NEK9: variants seen among roughly 807,000 people sequenced by gnomAD.
NEK9 encodes the protein serine/threonine-protein kinase Nek9.
Under a neutral mutation model 123.4 loss-of-function variants are expected in NEK9, and 75 were observed. The observed-to-expected ratio is 0.61, with a 90% CI of 0.50 to 0.74. The LOEUF (loss-of-function observed/expected upper bound fraction) is 0.74. Among genes scored for constraint, NEK9 ranks in the 30% least tolerant of loss-of-function variants. The probability of loss-of-function intolerance (pLI) is 0.00; values close to 1 mark genes in which losing one functional copy is unlikely to be tolerated. For synonymous variants in NEK9, 438 were observed against 458.7 expected (o/e 0.95, Z 0.58); for missense variants, 952 against 1,214.4 (o/e 0.78, Z 3.21).
chr14:75,086,276 G>T (rs190587356), intron 21 of NEK9, among the ~76,000 whole-genome samples: 1 of 151,550 alleles, frequency 6.6e-6, no homozygotes, highest in Non-Finnish European at 1.5e-5. Context: ...TAGATGAAAA[G>T]AAATGAGACA....
At chr14:75,102,196 T>C (rs139502901) in intron 14 of NEK9, among the ~76,000 whole-genome samples, 1 of 152,342 alleles carries the variant, frequency 6.6e-6, no homozygotes, top group East Asian at 1.9e-4. Context: ...TATAGGGTAG[T>C]GTTTCTCAAC....
At chr14:75,104,786 G>A (rs961405593) in intron 13 of NEK9, among the ~76,000 whole-genome samples, 2 of 152,148 alleles carry the variant, frequency 1.3e-5, no homozygotes, top group African/African-American at 4.8e-5. Context: ...CTCGGTCAAG[G>A]CTACTGTTGT....
rs1037178700 is a variant in NEK9 at position 75,103,829 on chromosome 14, T to C, written c.1731+13A>G. 1.2e-6 allele frequency: 2 copies of C among 1,602,272 alleles called. No homozygotes were observed. The highest frequency in any genetic ancestry group is 8.5e-7 in the Non-Finnish European group (1 of 1,174,622). On this transcript the variant is annotated intron_variant, in intron 14 of 21. Transcript: ENST00000238616. ...TCTGATGATGTGGTTAGAACACCAA[T>C]CAGGACACTCACTTCATGGTTGATA...
chr14:75,122,578 C>G (rs1895372922), intron 2 of NEK9, among the ~76,000 whole-genome samples: 2 of 152,018 alleles, frequency 1.3e-5, no homozygotes, highest in Non-Finnish European at 2.9e-5. Context: ...GATCTCCACT[C>G]ACTGCAACCT....
In NEK9 at chr14:75,117,227, G is replaced by A. The variant is rs1297784691; in HGVS notation, c.730C>T (p.Leu244=). ...IWAVGCVIFE[L]LTLKRTFDAT... ...TCAAACGTCCTCTTTAAGGTAAGCA[G>A]TTCAAAAATGACGCAGCCAACTGCC... The change falls in exon 6 of 22, where the codon CTG becomes TTG. Residue 244 remains leucine (L), a synonymous_variant. Transcript: ENST00000238616. The A allele has an allele frequency of 6.2e-7, 1 of 1,613,816 alleles. No individual in the cohort carries two copies.
In NEK9 at chr14:75,105,994, G is replaced by A. The variant is rs757174644; in HGVS notation, c.1531C>T (p.Arg511Ter). Residue 511 changes from arginine (R) to a stop codon, truncating the protein, a stop_gained and splice_region_variant, in exon 13 of 22, where the codon CGA becomes TGA. Coordinates refer to ENST00000238616, the MANE Select transcript of NEK9 (RefSeq NM_033116.6). LOFTEE classifies it high-confidence loss of function. ...VYSWGCGEYG[R>*]LGLDSEEDYY... ...TCCTCTTCTGAATCCAAACCCAGTC[G>A]TCCTGAAACACACATAAGAATGAAA... The A allele has an allele frequency of 5.6e-6, 9 of 1,612,384 alleles. No individual in the cohort carries two copies. The highest frequency in any genetic ancestry group is 1.7e-5 in the Admixed American group (1 of 59,984).
rs777014945 is a variant in NEK9, at chr14:75,106,509, G to A, written c.1521C>T (p.Gly507=). ...AGACAAGGCTACCCCTACCATATTC[G>A]CCACAGCCCCAAGAATAGACTTCCT... ...RNKEVYSWGC[G]EYGRLGLDSE... is the part of the protein sequence containing the mutation. Residue 507 remains glycine, a synonymous_variant, in exon 12 of 22, where the codon GGC becomes GGT. Coordinates refer to ENST00000238616, the MANE Select transcript of NEK9 (RefSeq NM_033116.6). The A allele has an allele frequency of 1.5e-5, 24 of 1,613,370 alleles. No homozygotes were observed. The Admixed American group carries it at 2.2e-4, about 15-fold the overall frequency.
At chr14:75,085,037 G>A in intron 21 of NEK9, 1 of 240,304 alleles carries the variant, frequency 4.2e-6, no homozygotes, top group South Asian at 5.8e-5. Context: ...ACAGGGTCTT[G>A]CTCTGTTGCT....
intron 5 of NEK9, 66 bp from the exon 6 acceptor site, chr14:75,117,392 A>G: frequency 4.7e-6 from 7 of 1,503,404 alleles, no homozygotes; most frequent in Non-Finnish European, 4.5e-6. Flanking sequence ...ACATTTCAAC[A>G]GCTTAATTAA....
At chr14:75,121,791 G>A (rs1438331287) in intron 2 of NEK9, among the ~76,000 whole-genome samples, 1 of 152,210 alleles carries the variant, frequency 6.6e-6, no homozygotes, top group Non-Finnish European at 1.5e-5. Context: ...GATCGCCTGA[G>A]CCTGGGAGGC....
Position 75,113,368 on chromosome 14 carries a change from T to C in NEK9, c.909A>G (p.Leu303=), listed in dbSNP as rs555256232. ...TGCGTTTCCTGAGAAGAGGGCGATCTAGAAGTTCATCTGCAGTAGGTCTCT... is the reference window on the plus strand; with the variant it reads ...TGCGTTTCCTGAGAAGAGGGCGATCCAGAAGTTCATCTGCAGTAGGTCTCT... ...PEQRPTADEL[L]DRPLLRKRRR... Residue 303 remains leucine, a synonymous_variant, in exon 8 of 22, where the codon CTA becomes CTG. Transcript: ENST00000238616. 1.9e-6 allele frequency: 3 copies of C among 1,613,858 alleles called. No individual in the cohort carries two copies. The highest frequency in any genetic ancestry group is 2.7e-5 in the African/African-American group (2 of 75,050).
In NEK9 at chr14:75,107,367, C is replaced by T; in HGVS notation, c.1303G>A (p.Asp435Asn). Residue 435 changes from aspartate to asparagine, a missense_variant, in exon 11 of 22, where the codon GAT (aspartate) becomes AAT (asparagine). Physicochemically the swap from Asp to Asn is conservative, Grantham distance 23. Transcript: ENST00000238616. The stretch of plus-strand genomic sequence containing the variant: ...CCAGTCACACAGACAGTGAAATCAT[C>T]ACCACATGACACCTGACGGATAGCT... ...GKAIRQVSCGDDFTVCVTDEG... is the reference protein window; with the variant it reads ...GKAIRQVSCGNDFTVCVTDEG... The T allele has an allele frequency of 2.5e-6, 4 of 1,613,638 alleles. No homozygotes were observed. The highest frequency in any genetic ancestry group is 3.4e-6 in the Non-Finnish European group (4 of 1,179,842).
intron 21 of NEK9, among the ~76,000 whole-genome samples, chr14:75,085,738 G>C (rs1279871496): frequency 1.3e-5 from 2 of 152,110 alleles, no homozygotes; most frequent in Non-Finnish European, 2.9e-5. Flanking sequence ...TTTTTTAAAA[G>C]GTGAAGCAGA....
chr14:75,125,285 C>T (rs1895485640), intron 1 of NEK9, among the ~76,000 whole-genome samples: 1 of 152,154 alleles, frequency 6.6e-6, no homozygotes, highest in Admixed American at 6.5e-5. Flanking sequence ...CAACTTAATG[C>T]TATTTGTTTA....
chr14:75,123,961 ATG>A, intron 2 of NEK9, 83 bp downstream of exon 2: 1 of 1,168,500 alleles, frequency 8.6e-7, no homozygotes, highest in Non-Finnish European at 1.2e-6. Context: ...ATCACTGTAT[ATG>A]TCTCTTCTTA....
intron 21 of NEK9, among the ~76,000 whole-genome samples, chr14:75,085,612 G>A (rs909281209): frequency 5.3e-5 from 8 of 152,108 alleles, no homozygotes; most frequent in Non-Finnish European, 8.8e-5. Context: ...GAAAAGACAG[G>A]GTGACAGAAA....
chr14:75,108,563 T>A (rs112954385), intron 10 of NEK9, among the ~76,000 whole-genome samples: 8,720 of 147,330 alleles, frequency 0.059, 673 homozygotes, highest in African/African-American at 0.18. Context: ...ATATATATAT[T>A]TTTTTTTTTG....
rs762971879 is a variant in NEK9, at chr14:75,126,944, G to A, written c.-23C>T. 2 of 1,442,968 alleles carry A rather than the reference G, an allele frequency of 1.4e-6. No individual in the cohort carries two copies. The highest frequency in any genetic ancestry group is 2.0e-4 in the Middle Eastern group (1 of 5,100). 89.4% of individuals were successfully genotyped at this position (1,442,968 alleles called of 1,614,324 possible). ...CATGGCGGCGGCCGCGGGCCTTGGGGACCAGCCTGCGTATGCCCGGAGGCC... is the reference window on the plus strand; with the variant it reads ...CATGGCGGCGGCCGCGGGCCTTGGGAACCAGCCTGCGTATGCCCGGAGGCC... On this transcript the variant is annotated 5_prime_UTR_variant, in exon 1 of 22. Transcript: ENST00000238616.
rs545397595 is a variant in NEK9 at position 75,088,868 on chromosome 14, C to T, written c.2443-227G>A. On this transcript the variant is annotated intron_variant, in intron 19 of 21. Transcript: ENST00000238616. Reference sequence around the variant, plus strand: ...ACTCAAAGAACACAGGCTGGAGTTTCTGGTGTGTCACTCCAACACGCTTAT... The same window carrying T: ...ACTCAAAGAACACAGGCTGGAGTTTTTGGTGTGTCACTCCAACACGCTTAT... Among the ~76,000 whole-genome samples, 7 of 152,234 alleles carry T rather than the reference C, an allele frequency of 4.6e-5. No individual in the cohort carries two copies. In the South Asian group the frequency reaches 1.4e-3, roughly 32 times the overall value.
Sources: allele counts gnomAD v4.1 joint callset (sites outside exome capture counted in the v4.1 genomes callset), GRCh38; gene constraint gnomAD v4.1.1; transcripts MANE v1.5; gene names NCBI Gene and HGNC (gene_info 2026-07-23, HGNC 2026-07-21).